EPB41: variants seen among roughly 807,000 people sequenced by gnomAD.
EPB41 encodes the protein protein 4.1.
Under a neutral mutation model 108.0 loss-of-function variants are expected in EPB41, and 65 were observed. The ratio of observed to expected loss-of-function variants is 0.60; its 90% CI spans 0.49 to 0.74. The LOEUF (loss-of-function observed/expected upper bound fraction) is 0.74, where lower values mean the gene tolerates loss of function less well. EPB41 is among the 30% of genes least tolerant of loss of function. EPB41 has a pLI of 0.00. For missense variants in EPB41, 875 were observed against 1,037.0 expected (o/e 0.84, Z 2.15); for synonymous variants, 336 against 358.9 (o/e 0.94, Z 0.72).
intron 11 of EPB41, chr1:29,041,140 A>T (rs944947006): frequency 1.5e-5 from 2 of 136,258 alleles, no homozygotes; most frequent in African/African-American, 2.8e-5. Flanking sequence ...TCTCATAAAT[A>T]AATAAATTAA....
chr1:28,889,114 C>T (rs756403246), intron 1 of EPB41, among the ~76,000 whole-genome samples: 3 of 152,206 alleles, frequency 2.0e-5, no homozygotes, highest in Non-Finnish European at 4.4e-5. Flanking sequence ...TGTGATCCTG[C>T]ATGAGTCACT....
Position 29,040,426 on chromosome 1 carries a change from G to A in EPB41, c.1636+1000G>A, listed in dbSNP as rs1641045666. Reference sequence around the variant, plus strand: ...CTCCCGAGTAGCTGTGATTACAGGCGTGTGCCACCATTCCTGGCTAATTTT... The same window carrying A: ...CTCCCGAGTAGCTGTGATTACAGGCATGTGCCACCATTCCTGGCTAATTTT... On this transcript the variant is annotated intron_variant, in intron 11 of 20. Transcript: ENST00000343067. 3.3e-5 allele frequency among the ~76,000 whole-genome samples: 5 copies of A among 152,078 alleles called. No individual in the cohort carries two copies. In the South Asian group the frequency reaches 1.0e-3, roughly 32 times the overall value.
intron 16 of EPB41, chr1:29,070,698 C>T (rs1650935061): frequency 1.6e-6 from 2 of 1,230,426 alleles, no homozygotes; most frequent in African/African-American, 1.6e-5. Context: ...CTGTATGATG[C>T]CCTCTGATCT....
chr1:29,061,609 TCACAG>T (rs1646592188), intron 15 of EPB41, among the ~76,000 whole-genome samples: 1 of 121,110 alleles, frequency 8.3e-6, no homozygotes, highest in Non-Finnish European at 1.6e-5. Context: ...GAGGCGGGTC[TCACAG>T]TGTTACCCAG....
At chr1:29,100,310 A>G (rs1664835420) in intron 17 of EPB41, among the ~76,000 whole-genome samples, 1 of 145,696 alleles carries the variant, frequency 6.9e-6, no homozygotes, top group African/African-American at 2.4e-5. Flanking sequence ...CTCTACTAAA[A>G]TACAAAAAAA....
upstream of EPB41, among the ~76,000 whole-genome samples, chr1:28,910,657 TC>T (rs2092196053): frequency 6.6e-6 from 1 of 152,124 alleles, no homozygotes; most frequent in South Asian, 2.1e-4. Flanking sequence ...AATTTCACCA[TC>T]TAATTTCACC....
intron 16 of EPB41, among the ~76,000 whole-genome samples, chr1:29,087,986 TTATATA>T (rs887886817): frequency 3.3e-5 from 5 of 152,082 alleles, no homozygotes; most frequent in Non-Finnish European, 7.4e-5. Context: ...TTGCAGTACT[TTATATA>T]TATAGGCAGC....
At chr1:28,982,259 A>G in intron 1 of EPB41, 1 of 476,376 alleles carries the variant, frequency 2.1e-6, no homozygotes, top group South Asian at 1.8e-5. Flanking sequence ...TTTAATTTTT[A>G]ATGACCAAAA....
chr1:28,912,453 A>G (rs532744712), upstream of EPB41, among the ~76,000 whole-genome samples: 54 of 152,150 alleles, frequency 3.5e-4, no homozygotes, highest in Non-Finnish European at 6.5e-4. Flanking sequence ...AGTGCTAACA[A>G]CAATTGCATG....
intron 1 of EPB41, among the ~76,000 whole-genome samples, chr1:28,937,549 C>G (rs1482042625): frequency 2.0e-5 from 3 of 152,172 alleles, no homozygotes; most frequent in Non-Finnish European, 4.4e-5. Flanking sequence ...CATGGGCCAC[C>G]ATGCTCGGCT....
intron 1 of EPB41, among the ~76,000 whole-genome samples, chr1:28,888,773 G>A (rs2089759717): frequency 6.6e-6 from 1 of 152,170 alleles, no homozygotes; most frequent in East Asian, 1.9e-4. Context: ...GATTACAGGC[G>A]CCCGCCACCG....
In EPB41 at chr1:28,987,874, A is replaced by G. The variant is rs766900734; in HGVS notation, c.437A>G (p.Asp146Gly). ...EPELKTDPSL[D>G]LHSLSSAETQ... is the part of the protein sequence containing the mutation. ...GAACTCAAAACAGACCCATCTTTGGATCTTCATTCATTAAGCAGTGCAGAA... is the reference window on the plus strand; with the variant it reads ...GAACTCAAAACAGACCCATCTTTGGGTCTTCATTCATTAAGCAGTGCAGAA... Residue 146 changes from aspartate (D) to glycine (G), a missense_variant, in exon 2 of 21, where the codon GAT (aspartate) becomes GGT (glycine). Coordinates refer to ENST00000343067, the MANE Select transcript of EPB41 (RefSeq NM_001376013.1). The G allele has an allele frequency of 1.2e-6, 2 of 1,614,210 alleles. No homozygotes were observed. The highest frequency in any genetic ancestry group is 1.7e-6 in the Non-Finnish European group (2 of 1,180,030).
intron 19 of EPB41, among the ~76,000 whole-genome samples, chr1:29,112,707 C>A (rs895286055): frequency 6.6e-6 from 1 of 152,174 alleles, no homozygotes; most frequent in Admixed American, 6.5e-5. Flanking sequence ...TTAATATATT[C>A]TAGCTGTTAA....
At chr1:29,011,143 AAAAAG>A (rs1461685718) in intron 4 of EPB41, among the ~76,000 whole-genome samples, 1 of 151,282 alleles carries the variant, frequency 6.6e-6, no homozygotes. Context: ...AAAAAAGAAA[AAAAAG>A]AAAAGAGTTT....
intron 14 of EPB41, among the ~76,000 whole-genome samples, chr1:29,059,318 G>A (rs1352822064): frequency 6.6e-6 from 1 of 151,996 alleles, no homozygotes; most frequent in Non-Finnish European, 1.5e-5. Flanking sequence ...ATGTTGAAAA[G>A]TTTCATTAAA....
At chr1:28,939,659 T>C (rs549243983) in intron 1 of EPB41, among the ~76,000 whole-genome samples, 8 of 152,234 alleles carry the variant, frequency 5.3e-5, no homozygotes, top group Middle Eastern at 3.4e-3. Flanking sequence ...GCCAGGGTAG[T>C]CTAGAACTCC....
intron 18 of EPB41, among the ~76,000 whole-genome samples, chr1:29,110,952 A>G (rs1397444128): frequency 6.6e-6 from 1 of 151,828 alleles, no homozygotes; most frequent in African/African-American, 2.4e-5. Flanking sequence ...GGATCACCTG[A>G]GATCAGGAGT....
At chr1:29,112,250 C>G (rs1165445858) in intron 18 of EPB41, 118 bp from the exon 19 acceptor site, 2 of 818,718 alleles carry the variant, frequency 2.4e-6, no homozygotes, top group Non-Finnish European at 4.1e-6. Context: ...TTCCTCCTAT[C>G]TCAGCCTCCC....
intron 16 of EPB41, among the ~76,000 whole-genome samples, chr1:29,073,273 C>T (rs1363622318): frequency 6.6e-6 from 1 of 151,866 alleles, no homozygotes; most frequent in Non-Finnish European, 1.5e-5. Context: ...CAATACAGAC[C>T]AGTATAATAT....
Sources: gnomAD v4.1 joint callset for allele counts (sites outside exome capture counted in the v4.1 genomes callset) on GRCh38, gnomAD v4.1.1 for gene constraint, MANE v1.5 for transcripts, NCBI Gene and HGNC (gene_info 2026-07-23, HGNC 2026-07-21) for gene names.